The following NRXN3 variants were observed in gnomAD, a reference collection of about 807,000 sequenced individuals.
The protein encoded by NRXN3 is neurexin 3.
A neutral mutation model predicts 137.6 loss-of-function variants in NRXN3; 32 were observed. That is an observed-to-expected ratio of 0.23 (90% confidence interval 0.18 to 0.31). The LOEUF is 0.31. Ranked by LOEUF, NRXN3 falls within the 10% of genes least tolerant of loss-of-function variation. The probability of loss-of-function intolerance (pLI) is 1.00; values close to 1 mark genes in which losing one functional copy is unlikely to be tolerated. For missense variants in NRXN3, 1,574 were observed against 2,062.5 expected, an observed-to-expected ratio of 0.76 and a Z score of 4.59; for synonymous variants, 798 against 784.5, an observed-to-expected ratio of 1.02 and a Z score of -0.29.
chr14:79,567,972 A>G (rs1472907832), intron 16 of NRXN3, among the ~76,000 whole-genome samples: 2 of 152,178 alleles, frequency 1.3e-5, no homozygotes, highest in Non-Finnish European at 2.9e-5. Flanking sequence ...AGATCCCTCT[A>G]AGGATCTATC....
rs2098666909 is a variant in NRXN3, at chr14:78,756,081, T to G, written c.2044+40942T>G. Reference sequence around the variant, plus strand: ...AAATACCATTAGGGTAGTCTCTTTTTCATTGAATTATTCATCCAGAGTCAT... The same window carrying G: ...AAATACCATTAGGGTAGTCTCTTTTGCATTGAATTATTCATCCAGAGTCAT... On this transcript the variant is annotated intron_variant, in intron 8 of 20. Coordinates refer to ENST00000335750, the MANE Select transcript of NRXN3 (RefSeq NM_001330195.2). 2.0e-5 allele frequency among the ~76,000 whole-genome samples: 3 copies of G among 152,234 alleles called. No individual in the cohort carries two copies. The South Asian group carries it at 6.2e-4, about 31-fold the overall frequency.
At chr14:78,701,341 C>T (rs1435369470) in intron 6 of NRXN3, among the ~76,000 whole-genome samples, 1 of 152,212 alleles carries the variant, frequency 6.6e-6, no homozygotes, top group Admixed American at 6.5e-5. Context: ...CTACGCTTAA[C>T]TTGAGCACCG....
chr14:78,441,026 C>G (rs2094227033), intron 4 of NRXN3, among the ~76,000 whole-genome samples: 1 of 152,136 alleles, frequency 6.6e-6, no homozygotes, highest in Non-Finnish European at 1.5e-5. Context: ...GTCTGTCTGT[C>G]TTGAACCTCC....
chr14:78,928,642 A>G (rs2099312971), intron 10 of NRXN3, among the ~76,000 whole-genome samples: 1 of 151,998 alleles, frequency 6.6e-6, no homozygotes, highest in African/African-American at 2.4e-5. Context: ...ATCCTTTTTT[A>G]TGGCTGCATA....
chr14:79,699,544 G>A (rs1490244151), intron 19 of NRXN3, among the ~76,000 whole-genome samples: 1 of 151,948 alleles, frequency 6.6e-6, no homozygotes, highest in Non-Finnish European at 1.5e-5. Flanking sequence ...AGTAATTATT[G>A]GTTTTTTGGC....
At chr14:79,471,198 C>T (rs895798391) in intron 16 of NRXN3, among the ~76,000 whole-genome samples, 1 of 152,012 alleles carries the variant, frequency 6.6e-6, no homozygotes, top group African/African-American at 2.4e-5. Context: ...GGGTAAGCAC[C>T]CACTCTAGAA....
intron 15 of NRXN3, among the ~76,000 whole-genome samples, chr14:79,031,524 C>T (rs965475874): frequency 1.1e-4 from 16 of 152,066 alleles, no homozygotes; most frequent in East Asian, 3.9e-4. Context: ...TAAAGAATTT[C>T]GAAACAAAAT....
Position 79,674,106 on chromosome 14 carries a change from G to C in NRXN3, c.3616+10157G>C, listed in dbSNP as rs114178200. Among the ~76,000 whole-genome samples the C allele has an allele frequency of 6.0e-3, 920 of 152,082 alleles. 11 individuals carry two copies. Among genetic ancestry groups the C allele is most frequent in the African/African-American group, 0.021 (873 of 41,502 alleles). The stretch of plus-strand genomic sequence containing the variant: ...CTAATGGAGCCTGAAGATCAGACAG[G>C]GGCGAGCATGGAATACAATTTGGGA... On this transcript the variant is annotated intron_variant, in intron 17 of 20. Coordinates refer to ENST00000335750, the MANE Select transcript of NRXN3 (RefSeq NM_001330195.2).
chr14:78,280,772 C>T (rs1473021371), intron 3 of NRXN3, among the ~76,000 whole-genome samples: 1 of 152,196 alleles, frequency 6.6e-6, no homozygotes, highest in Non-Finnish European at 1.5e-5. Context: ...ACCCATAGGC[C>T]TTCTGCCATC....
chr14:78,798,725 C>T (rs1165625672), intron 8 of NRXN3, among the ~76,000 whole-genome samples: 5 of 152,230 alleles, frequency 3.3e-5, no homozygotes, highest in African/African-American at 7.2e-5. Flanking sequence ...CAGGCATTTC[C>T]ATACATCCTC....
intron 15 of NRXN3, among the ~76,000 whole-genome samples, chr14:79,445,457 C>G (rs1013708097): frequency 2.1e-4 from 32 of 152,048 alleles, no homozygotes; most frequent in African/African-American, 5.3e-4. Flanking sequence ...AGCCAGGCAG[C>G]CAGACATCAA....
chr14:78,872,007 G>T (rs1271287954), intron 10 of NRXN3, among the ~76,000 whole-genome samples: 2 of 151,840 alleles, frequency 1.3e-5, no homozygotes, highest in African/African-American at 4.8e-5. Flanking sequence ...AAACAGAAAA[G>T]ACTTGATCTA....
chr14:79,138,600 G>C (rs1297012218), intron 15 of NRXN3, among the ~76,000 whole-genome samples: 1 of 152,234 alleles, frequency 6.6e-6, no homozygotes, highest in African/African-American at 2.4e-5. Context: ...AGGATTTATA[G>C]TACCAAGGCC....
intron 15 of NRXN3, among the ~76,000 whole-genome samples, chr14:79,465,082 C>G (rs2096403998): frequency 6.6e-6 from 1 of 152,076 alleles, no homozygotes; most frequent in African/African-American, 2.4e-5. Context: ...ATGTCACAGG[C>G]TGATTTGCAT....
At chr14:79,332,349 C>T (rs1360708011) in intron 15 of NRXN3, among the ~76,000 whole-genome samples, 1 of 152,146 alleles carries the variant, frequency 6.6e-6, no homozygotes. Context: ...AAAAATTTGG[C>T]ATGGCCTTTG....
intron 20 of NRXN3, among the ~76,000 whole-genome samples, chr14:79,821,887 T>C (rs903507914): frequency 6.6e-6 from 1 of 152,068 alleles, no homozygotes; most frequent in South Asian, 2.1e-4. Flanking sequence ...CTTTAATCCA[T>C]GCCATTTTAT....
intron 15 of NRXN3, among the ~76,000 whole-genome samples, chr14:79,369,480 T>C (rs7149401): frequency 0.013 from 2,046 of 152,284 alleles, 46 homozygotes; most frequent in African/African-American, 0.047. Flanking sequence ...GAAAAGTCGA[T>C]TGAAACATAT....
chr14:78,330,895 AC>A (rs1254730101), intron 4 of NRXN3, among the ~76,000 whole-genome samples: 13 of 152,140 alleles, frequency 8.5e-5, no homozygotes, highest in African/African-American at 1.2e-4. Flanking sequence ...GTTTTTCATT[AC>A]TCTGTAAGTA....
chr14:78,427,368 G>T (rs1273192858), intron 4 of NRXN3, among the ~76,000 whole-genome samples: 1 of 152,202 alleles, frequency 6.6e-6, no homozygotes, highest in Non-Finnish European at 1.5e-5. Context: ...GGAGGGAGGT[G>T]CCTGGTTCCA....
Sources: allele counts gnomAD v4.1 joint callset (sites outside exome capture counted in the v4.1 genomes callset), GRCh38; gene constraint gnomAD v4.1.1; transcripts MANE v1.5; gene names NCBI Gene and HGNC (gene_info 2026-07-23, HGNC 2026-07-21).